SLC35D1: variants seen among roughly 807,000 people sequenced by gnomAD.
SLC35D1 encodes the protein solute carrier family 35 member D1.
In SLC35D1, 31 loss-of-function variants were observed where a neutral mutation model predicts 46.7. The observed-to-expected ratio is 0.66, with a 90% CI of 0.50 to 0.90. SLC35D1 has a LOEUF of 0.90. Among genes scored for constraint, SLC35D1 ranks in the 40% least tolerant of loss-of-function variants. SLC35D1 has a pLI of 0.00. For missense variants in SLC35D1, 397 were observed against 426.2 expected (o/e 0.93, Z 0.60); for synonymous variants, 195 against 164.6 (o/e 1.18, Z -1.41).
At chr1:67,022,716 T>C (rs1461655495) in intron 8 of SLC35D1, among the ~76,000 whole-genome samples, 4 of 152,106 alleles carry the variant, frequency 2.6e-5, no homozygotes, top group Non-Finnish European at 5.9e-5. Context: ...ACATGAAAAA[T>C]AAATTAATTT....
At chr1:67,049,412 T>A (rs1482754620) in intron 6 of SLC35D1, among the ~76,000 whole-genome samples, 1 of 152,234 alleles carries the variant, frequency 6.6e-6, no homozygotes. Flanking sequence ...TTATTGAACT[T>A]AAGTTTTAGT....
rs1667289156 is a variant in SLC35D1, at chr1:66,999,619, CATTTTTGTGAG to C, written c.*4710_*4720del. The C allele has an allele frequency of 1.3e-5, 2 of 151,850 alleles. No homozygotes were observed. Among genetic ancestry groups the C allele is most frequent in the African/African-American group, 4.8e-5 (2 of 41,290 alleles). 9.4% of individuals were successfully genotyped at this position (151,850 alleles called of 1,614,324 possible). A position where few individuals can be genotyped will look rare whatever the true frequency, so the allele number is the denominator to read the frequency against. On this transcript the variant is annotated 3_prime_UTR_variant, in exon 12 of 12. Transcript: ENST00000235345. Reference sequence around the variant, plus strand: ...TTGTGAAAAAAATAATCTCTAAAAACATTTTTGTGAGACAATAAATCTAACCAGTAGATTTC... The same window carrying C: ...TTGTGAAAAAAATAATCTCTAAAAACACAATAAATCTAACCAGTAGATTTC...
intron 7 of SLC35D1, among the ~76,000 whole-genome samples, chr1:67,045,755 T>C (rs1043813803): frequency 2.6e-5 from 4 of 152,186 alleles, no homozygotes; most frequent in Non-Finnish European, 5.9e-5. Context: ...AAACTACTGA[T>C]TTCAGTTTCT....
the SLC35D1 span, among the ~76,000 whole-genome samples, chr1:66,981,154 C>G: frequency 6.6e-6 from 1 of 152,080 alleles, no homozygotes; most frequent in Non-Finnish European, 1.5e-5. Flanking sequence ...ATCTCTATCC[C>G]AGATCTGCTC....
the SLC35D1 span, chr1:66,986,012 A>G: frequency 2.0e-6 from 2 of 991,698 alleles, no homozygotes. Context: ...TGTTATTTTT[A>G]TATGCATCAT....
the SLC35D1 span, chr1:66,985,049 C>T: frequency 7.3e-7 from 1 of 1,369,612 alleles, no homozygotes. Context: ...TTTCATAATT[C>T]TGCCTTTTGC....
Position 67,001,774 on chromosome 1 carries a change from C to T in SLC35D1, c.*2566G>A, listed in dbSNP as rs1175942769. On this transcript the variant is annotated 3_prime_UTR_variant, in exon 12 of 12. Transcript: ENST00000235345. ...AAGACTATTCAGTCTCCAGCTTGTT[C>T]ACCCTGCTCCATCTTGCAATGCTGG... 6.6e-6 allele frequency: 1 copy of T among 152,450 alleles called. No homozygotes were observed. Among genetic ancestry groups the T allele is most frequent in the East Asian group, 1.9e-4 (1 of 5,342 alleles). The allele number at this position is 152,450 out of a possible 1,614,324, so 9.4% of individuals were successfully genotyped here. A position where few individuals can be genotyped will look rare whatever the true frequency, so the allele number is the denominator to read the frequency against.
At chr1:67,044,243 C>A (rs1645225956) in intron 7 of SLC35D1, among the ~76,000 whole-genome samples, 1 of 148,314 alleles carries the variant, frequency 6.7e-6, no homozygotes. Flanking sequence ...GGCTGAGGCA[C>A]AAGAATCACT....
chr1:66,981,097 G>C, the SLC35D1 span, among the ~76,000 whole-genome samples: 1 of 146,288 alleles, frequency 6.8e-6, no homozygotes, highest in South Asian at 2.1e-4. Context: ...TTAGACATAT[G>C]ATTTATCTAC....
At chr1:67,045,117 T>C (rs1321079199) in intron 7 of SLC35D1, among the ~76,000 whole-genome samples, 1 of 152,086 alleles carries the variant, frequency 6.6e-6, no homozygotes, top group Non-Finnish European at 1.5e-5. Flanking sequence ...GTAGAGGATA[T>C]GCATGGAGGC....
intron 5 of SLC35D1, 60 bp downstream of exon 5, chr1:67,050,373 A>T: frequency 7.9e-7 from 1 of 1,259,220 alleles, no homozygotes; most frequent in Non-Finnish European, 1.2e-6. Context: ...AATATCTCAC[A>T]TATGCTGGGC....
At chr1:67,053,106 C>T (rs1645328470) in intron 1 of SLC35D1, 117 bp from the exon 2 acceptor site, 3 of 1,213,356 alleles carry the variant, frequency 2.5e-6, no homozygotes, top group South Asian at 1.3e-5. Context: ...CATCAACGTC[C>T]GCCCCTAAAT....
chr1:67,034,492 C>A (rs576174618), intron 8 of SLC35D1, among the ~76,000 whole-genome samples: 2 of 152,108 alleles, frequency 1.3e-5, no homozygotes, highest in African/African-American at 2.4e-5. Context: ...CTTTTCAAAT[C>A]GTTTGCTATA....
In SLC35D1 at chr1:67,050,509, A is replaced by G. The variant is rs80222583; in HGVS notation, c.393-5T>C. On this transcript the variant is annotated splice_region_variant and splice_polypyrimidine_tract_variant and intron_variant, in intron 4 of 11. Transcript: ENST00000235345. ...AGAACTGTAAACATTGGCAAGCTGG[A>G]AAAAAAAAAGATAATTAGGTAAAAT... The G allele has an allele frequency of 1.6e-6, 2 of 1,273,616 alleles. No homozygotes were observed. Among genetic ancestry groups the G allele is most frequent in the South Asian group, 1.5e-5 (1 of 67,852 alleles). 78.9% of individuals were successfully genotyped at this position (1,273,616 alleles called of 1,614,324 possible).
Position 67,047,012 on chromosome 1 carries a change from A to G in SLC35D1, c.636+253T>C, listed in dbSNP as rs1024228. 0.74 allele frequency among the ~76,000 whole-genome samples: 112,572 copies of G among 152,106 alleles called. 42,061 individuals carry two copies. The highest frequency in any genetic ancestry group is 0.83 in the African/African-American group (34,480 of 41,522). The stretch of plus-strand genomic sequence containing the variant: ...CATTTAAAGACACTGCAGTGAACAC[A>G]CTTTACTTTCCCTACCCCACACGAA... On this transcript the variant is annotated intron_variant, in intron 7 of 11. Coordinates refer to ENST00000235345, the MANE Select transcript of SLC35D1 (RefSeq NM_015139.3).
the SLC35D1 span, chr1:66,984,598 A>G: frequency 6.8e-6 from 11 of 1,606,466 alleles, no homozygotes; most frequent in South Asian, 2.3e-5. Context: ...ACCAGGTGAA[A>G]TATTAAACAA....
rs1405690514 is a variant in SLC35D1 at position 67,053,967 on chromosome 1, G to T, written c.47C>A (p.Ala16Asp). The T allele has an allele frequency of 6.2e-7, 1 of 1,613,540 alleles. No homozygotes were observed. The highest frequency in any genetic ancestry group is 8.5e-7 in the Non-Finnish European group (1 of 1,179,622). ...RRQHARVKGE[A>D]PAKSSTLRDE... ...TCGGAGTGTGGAGGATTTCGCGGGGGCTTCTCCTTTAACCCGAGCATGCTG... is the reference window on the plus strand; with the variant it reads ...TCGGAGTGTGGAGGATTTCGCGGGGTCTTCTCCTTTAACCCGAGCATGCTG... The change falls in exon 1 of 12, where the codon GCC (alanine) becomes GAC (aspartate). Residue 16 changes from alanine (A) to aspartate (D), a missense_variant. By Grantham distance (126) the Ala-to-Asp change is moderately radical (BLOSUM62 -2). Transcript: ENST00000235345.
intron 8 of SLC35D1, among the ~76,000 whole-genome samples, chr1:67,037,093 T>C (rs1446686111): frequency 6.6e-6 from 1 of 152,130 alleles, no homozygotes; most frequent in Non-Finnish European, 1.5e-5. Context: ...CTTAATTTCA[T>C]CCCCTCACTT....
the SLC35D1 span, among the ~76,000 whole-genome samples, chr1:66,993,177 G>A: frequency 6.6e-6 from 1 of 152,182 alleles, no homozygotes; most frequent in South Asian, 2.1e-4. Flanking sequence ...GACGTTAGTA[G>A]GCTCTGAGAA....
Sources: gnomAD v4.1 joint callset for allele counts (sites outside exome capture counted in the v4.1 genomes callset) on GRCh38, gnomAD v4.1.1 for gene constraint, MANE v1.5 for transcripts, NCBI Gene and HGNC (gene_info 2026-07-23, HGNC 2026-07-21) for gene names.